The following CSPG5 variants were observed in gnomAD, a reference collection of about 807,000 sequenced individuals.
CSPG5 encodes the protein acidic leucine-rich EGF-like domain-containing brain protein.
In CSPG5, 25 loss-of-function variants were observed where a neutral mutation model predicts 39.8. The observed-to-expected ratio is 0.63, with a 90% CI of 0.46 to 0.88. The LOEUF is 0.88. Ranked by LOEUF, CSPG5 falls within the 40% of genes least tolerant of loss-of-function variation. CSPG5 has a pLI of 0.00. For missense variants in CSPG5, 627 were observed against 702.2 expected (o/e 0.89, Z 1.21); for synonymous variants, 295 against 303.9 (o/e 0.97, Z 0.31).
Position 47,576,865 on chromosome 3 carries a change from G to A in CSPG5, c.1161C>T (p.Cys387=). 1 of 1,581,768 alleles carries A rather than the reference G, an allele frequency of 6.3e-7. No homozygotes were observed. The highest frequency in any genetic ancestry group is 8.6e-7 in the Non-Finnish European group (1 of 1,161,758). Residue 387 remains cysteine (C), a synonymous_variant, in exon 2 of 5, where the codon TGC becomes TGT. Transcript: ENST00000264723. ...AGGCCCCTATGTTCTCCACCAGGTA[G>A]CACTGGCCGCCATTGTGACAGTAAC... ...FPSYCHNGGQ[C]YLVENIGAFC...
Position 47,578,056 on chromosome 3 carries a change from C to T in CSPG5, c.98-128G>A, listed in dbSNP as rs1229888790. ...CCCAGACCTCGCCACCCTCAGACCC[C>T]ACCGCCCCAGTGTGACCCCAGCCAC... On this transcript the variant is annotated intron_variant, in intron 1 of 4. Transcript: ENST00000264723. This position sits in a 1 kb window ranked among gnomAD's most constrained non-coding sequence, Gnocchi z 6.0. 24 of 1,293,462 alleles carry T rather than the reference C, an allele frequency of 1.9e-5. No individual in the cohort carries two copies. The highest frequency in any genetic ancestry group is 4.1e-5 in the Admixed American group (1 of 24,360). 80.1% of individuals were successfully genotyped at this position (1,293,462 alleles called of 1,614,324 possible).
rs886621225 is a variant in CSPG5, at chr3:47,571,093, A to AT, written c.1382+1592dup. Among the ~76,000 whole-genome samples, 3 of 97,874 alleles carry AT rather than the reference A, an allele frequency of 3.1e-5. No individual in the cohort carries two copies. In the Admixed American group the frequency reaches 3.2e-4, roughly 10 times the overall value. The allele number at this position is 97,874 out of a possible 152,430, so 64.2% of individuals were successfully genotyped here. A position where few individuals can be genotyped will look rare whatever the true frequency, so the allele number is the denominator to read the frequency against. On this transcript the variant is annotated intron_variant, in intron 3 of 4. Coordinates refer to ENST00000264723, the MANE Select transcript of CSPG5 (RefSeq NM_006574.4). ...CATAGTGAGACCCTGTCTCAATTAA[A>AT]TTAAAAAAAAAAAAAAAGATGGCAG...
intron 2 of CSPG5, among the ~76,000 whole-genome samples, chr3:47,574,188 C>T (rs535759336): frequency 6.6e-6 from 1 of 152,294 alleles, no homozygotes; most frequent in South Asian, 2.1e-4. Flanking sequence ...TAGACCCATG[C>T]TGGCAGAGCC....
Position 47,577,249 on chromosome 3 carries a change from G to T in CSPG5, c.777C>A (p.Pro259=). The change falls in exon 2 of 5, where the codon CCC becomes CCA. Residue 259 remains proline, a synonymous_variant. Transcript: ENST00000264723. This position sits in a 1 kb window ranked among gnomAD's most constrained non-coding sequence, Gnocchi z 4.7. ...TGGGGTAGAAATCAGATTCATCGAA[G>T]GGGGTGAAATCATCGTATAAGTCAA... ...SLLDLYDDFT[P]FDESDFYPTT... is the part of the protein sequence containing the mutation. The T allele has an allele frequency of 6.2e-7, 1 of 1,611,310 alleles. No homozygotes were observed. The highest frequency in any genetic ancestry group is 8.5e-7 in the Non-Finnish European group (1 of 1,178,696).
In CSPG5 at chr3:47,572,256, A is replaced by C. The variant is rs564872076; in HGVS notation, c.1382+430T>G. 2.0e-5 allele frequency among the ~76,000 whole-genome samples: 3 copies of C among 152,266 alleles called. No homozygotes were observed. In the South Asian group the frequency reaches 6.2e-4, roughly 32 times the overall value. ...ATTTTGGGTGACAGATGTGAAGGAG[A>C]TGGAGTTCCTCCACGCAGAATTATG... On this transcript the variant is annotated intron_variant, in intron 3 of 4. Coordinates refer to ENST00000264723, the MANE Select transcript of CSPG5 (RefSeq NM_006574.4). This position sits in a 1 kb window ranked among gnomAD's most constrained non-coding sequence, Gnocchi z 4.5.
chr3:47,568,125 G>T (rs2031383493), intron 4 of CSPG5, among the ~76,000 whole-genome samples: 1 of 152,206 alleles, frequency 6.6e-6, no homozygotes, highest in Non-Finnish European at 1.5e-5. Context: ...TGATTTCTAA[G>T]AACTTCTTCT....
At position 47,577,189 on chromosome 3, in the gene CSPG5, C is replaced by T; in HGVS notation, c.837G>A (p.Glu279=). The part of the protein sequence containing the change: ...TSFYDDLDEE[E]EEEEDDKDAV... The stretch of plus-strand genomic sequence containing the variant: ...CATCTTTGTCATCCTCCTCTTCCTC[C>T]TCCTCTTCATCCAAGTCATCATAAA... Residue 279 remains glutamate, a synonymous_variant, in exon 2 of 5, where the codon GAG becomes GAA. Transcript: ENST00000264723. This position sits in a 1 kb window ranked among gnomAD's most constrained non-coding sequence, Gnocchi z 4.7. 1 of 1,609,040 alleles carries T rather than the reference C, an allele frequency of 6.2e-7. No homozygotes were observed. The highest frequency in any genetic ancestry group is 8.5e-7 in the Non-Finnish European group (1 of 1,177,484).
In CSPG5 at chr3:47,562,536, G is replaced by T; in HGVS notation, c.*64C>A. 7.0e-7 allele frequency: 1 copy of T among 1,438,430 alleles called. No individual in the cohort carries two copies. The highest frequency in any genetic ancestry group is 9.7e-7 in the Non-Finnish European group (1 of 1,035,130). The allele number at this position is 1,438,430 out of a possible 1,614,324, so 89.1% of individuals were successfully genotyped here. A position where few individuals can be genotyped will look rare whatever the true frequency, so the allele number is the denominator to read the frequency against. ...TACAAGAAATAGACTCTGTACAAGAGGAGATAATGTTTCTTCCCCTACCCC... is the reference window on the plus strand; with the variant it reads ...TACAAGAAATAGACTCTGTACAAGATGAGATAATGTTTCTTCCCCTACCCC... On this transcript the variant is annotated 3_prime_UTR_variant, in exon 5 of 5. Transcript: ENST00000264723.
intron 4 of CSPG5, among the ~76,000 whole-genome samples, chr3:47,565,858 C>T (rs1399565840): frequency 6.6e-6 from 1 of 152,220 alleles, no homozygotes; most frequent in Non-Finnish European, 1.5e-5. Context: ...TTTCTGGTGG[C>T]TTCATTCACG....
In CSPG5 at chr3:47,572,903, C is replaced by A. The variant is rs188623060; in HGVS notation, c.1194-29G>T. The A allele has an allele frequency of 5.0e-5, 79 of 1,592,742 alleles. No individual in the cohort carries two copies. In the Admixed American group the frequency reaches 1.1e-3, roughly 22 times the overall value. ...CAGCAGCGACATTGAGAAACCGTGGCGATGGAGCAGGCAGCCACGGCCACA... is the reference window on the plus strand; with the variant it reads ...CAGCAGCGACATTGAGAAACCGTGGAGATGGAGCAGGCAGCCACGGCCACA... On this transcript the variant is annotated intron_variant, in intron 2 of 4. Coordinates refer to ENST00000264723, the MANE Select transcript of CSPG5 (RefSeq NM_006574.4). The surrounding 1 kb of genome is among the most constrained non-coding windows in gnomAD (Gnocchi z 4.5).
At chr3:47,569,093 T>C in intron 4 of CSPG5, 59 bp downstream of exon 4, 1 of 1,552,766 alleles carries the variant, frequency 6.4e-7, no homozygotes, top group Non-Finnish European at 8.7e-7. Context: ...GTTATCATAG[T>C]GAGCCAAGGC....
chr3:47,567,804 G>A (rs776578779), intron 4 of CSPG5, among the ~76,000 whole-genome samples: 2 of 152,172 alleles, frequency 1.3e-5, no homozygotes, highest in African/African-American at 2.4e-5. Context: ...TTGAGCCCAG[G>A]GGTTCGAGAC....
At chr3:47,569,873 A>G (rs2031465868) in intron 3 of CSPG5, among the ~76,000 whole-genome samples, 1 of 151,034 alleles carries the variant, frequency 6.6e-6, no homozygotes, top group Non-Finnish European at 1.5e-5. Flanking sequence ...TCGGCCTCCC[A>G]AGTAGCTGGG....
chr3:47,567,691 C>T (rs1333667327), intron 4 of CSPG5, among the ~76,000 whole-genome samples: 1 of 152,198 alleles, frequency 6.6e-6, no homozygotes, highest in Non-Finnish European at 1.5e-5. Flanking sequence ...TCTCTTCCCC[C>T]TTCTGGGGCT....
chr3:47,562,972 C>G (rs1165223005), intron 4 of CSPG5, among the ~76,000 whole-genome samples: 1 of 152,256 alleles, frequency 6.6e-6, no homozygotes, highest in East Asian at 1.9e-4. Context: ...GAGAGGAAAA[C>G]TTGACAGTAA....
In CSPG5 at chr3:47,572,678, AG is replaced by A. The variant is rs1175715124; in HGVS notation, c.1382+7del. ...ACCTGGGTGGATGGGTGAGTGACACAGACTCACTTGGTCCTACGCAGCTTGG... is the reference window on the plus strand; with the variant it reads ...ACCTGGGTGGATGGGTGAGTGACACAACTCACTTGGTCCTACGCAGCTTGG... On this transcript the variant is annotated splice_region_variant and intron_variant, in intron 3 of 4. Transcript: ENST00000264723. This position sits in a 1 kb window ranked among gnomAD's most constrained non-coding sequence, Gnocchi z 4.5. The A allele has an allele frequency of 6.2e-7, 1 of 1,610,204 alleles. No individual in the cohort carries two copies. Among genetic ancestry groups the A allele is most frequent in the African/African-American group, 1.3e-5 (1 of 74,874 alleles).
chr3:47,578,522 T>C lies in CSPG5; in HGVS notation c.97+75A>G. The C allele has an allele frequency of 2.3e-6, 1 of 440,384 alleles. No homozygotes were observed. Among genetic ancestry groups the C allele is most frequent in the Non-Finnish European group, 3.4e-6 (1 of 298,304 alleles). 27.3% of individuals were successfully genotyped at this position (440,384 alleles called of 1,614,324 possible). On this transcript the variant is annotated intron_variant, in intron 1 of 4. Coordinates refer to ENST00000264723, the MANE Select transcript of CSPG5 (RefSeq NM_006574.4). This position sits in a 1 kb window ranked among gnomAD's most constrained non-coding sequence, Gnocchi z 6.0. ...TTGCCACAGCTCACAGCTCCACCTG[T>C]CCCCGCCGCCAGCGGGACCCCTGCC... is the stretch of plus-strand genomic sequence containing the variant.
Position 47,572,669 on chromosome 3 carries a change from G to T in CSPG5, c.1382+17C>A. The T allele has an allele frequency of 6.2e-7, 1 of 1,606,946 alleles. No homozygotes were observed. Among genetic ancestry groups the T allele is most frequent in the South Asian group, 1.1e-5 (1 of 90,798 alleles). ...CACACCCTGACCTGGGTGGATGGGT[G>T]AGTGACACAGACTCACTTGGTCCTA... On this transcript the variant is annotated intron_variant, in intron 3 of 4. Transcript: ENST00000264723. This position sits in a 1 kb window ranked among gnomAD's most constrained non-coding sequence, Gnocchi z 4.5.
chr3:47,566,418 G>A (rs1224147656), intron 4 of CSPG5, among the ~76,000 whole-genome samples: 2 of 152,170 alleles, frequency 1.3e-5, no homozygotes, highest in Non-Finnish European at 2.9e-5. Flanking sequence ...GTAGCAGTGA[G>A]CAGGGCTTCA....
Sources: gnomAD v4.1 joint callset for allele counts (sites outside exome capture counted in the v4.1 genomes callset) on GRCh38, gnomAD v4.1.1 for gene constraint, Gnocchi (gnomAD v3.1) non-coding constraint, MANE v1.5 for transcripts, NCBI Gene and HGNC (gene_info 2026-07-23, HGNC 2026-07-21) for gene names.